The following SAMD12 variants were observed in gnomAD, a reference collection of about 807,000 sequenced individuals.
The protein encoded by SAMD12 is sterile alpha motif domain containing 12, also known as sterile alpha motif domain-containing protein 12.
In SAMD12, 9 loss-of-function variants were observed where a neutral mutation model predicts 15.0. That is an observed-to-expected ratio of 0.60 (90% CI 0.36 to 1.05). SAMD12 has a LOEUF of 1.05. Ranked by LOEUF, SAMD12 falls within the 50% of genes least tolerant of loss-of-function variation. The probability of loss-of-function intolerance (pLI) is 0.01; values close to 1 mark genes in which losing one functional copy is unlikely to be tolerated. For missense variants in SAMD12, 230 were observed against 234.2 expected, an observed-to-expected ratio of 0.98 and a Z score of 0.12; for synonymous variants, 86 against 90.1, an observed-to-expected ratio of 0.96 and a Z score of 0.25.
chr8:118,239,633 T>C (rs950466703), intron 4 of SAMD12, among the ~76,000 whole-genome samples: 3 of 152,190 alleles, frequency 2.0e-5, no homozygotes, highest in African/African-American at 7.2e-5. Context: ...GGATTTATTT[T>C]CTACCCAGGC....
At chr8:118,599,820 G>A (rs1827815292) in intron 1 of SAMD12, among the ~76,000 whole-genome samples, 9 of 152,288 alleles carry the variant, frequency 5.9e-5, no homozygotes, top group Admixed American at 5.2e-4. Context: ...GGAAAAACCT[G>A]AGGCAGGAAC....
chr8:118,191,799 TATATATATATATAGAG>T (rs1243824800), exon 5 of SAMD12: 8 of 42,148 alleles, frequency 1.9e-4, no homozygotes, highest in Non-Finnish European at 3.1e-4. Flanking sequence ...TATATATATA[TATATATATATATAGAG>T]AGAGAGAGAG....
At chr8:118,327,554 A>G (rs1351262219) in intron 4 of SAMD12, among the ~76,000 whole-genome samples, 1 of 152,194 alleles carries the variant, frequency 6.6e-6, no homozygotes, top group African/African-American at 2.4e-5. Flanking sequence ...GTCGAGGAAG[A>G]GGGGAAAGAT....
At chr8:118,147,323 C>A in the SAMD12 span, among the ~76,000 whole-genome samples, 2 of 151,512 alleles carry the variant, frequency 1.3e-5, no homozygotes, top group African/African-American at 4.9e-5. Context: ...CCACACCCAG[C>A]CAGCAGGAAC....
intron 4 of SAMD12, chr8:118,239,751 C>T (rs1371849828): frequency 6.6e-6 from 1 of 152,108 alleles, no homozygotes; most frequent in Admixed American, 6.6e-5. Flanking sequence ...AGCAAACACT[C>T]TTTTTTCATG....
At chr8:118,515,185 A>ATT (rs55864364) in intron 2 of SAMD12, among the ~76,000 whole-genome samples, 20,546 of 102,878 alleles carry the variant, frequency 0.2, 2,521 homozygotes, top group South Asian at 0.35. Context: ...CGCCCAGCTA[A>ATT]TTTTTTTTTT....
intron 4 of SAMD12, among the ~76,000 whole-genome samples, chr8:118,348,320 C>T (rs1378903807): frequency 1.3e-5 from 2 of 151,974 alleles, no homozygotes; most frequent in African/African-American, 2.4e-5. Flanking sequence ...CCACCTGCCT[C>T]GGCCTCCCAA....
chr8:118,230,644 A>G lies in SAMD12; in HGVS notation c.434-32912T>C, dbSNP rs182459842. ...TCAGAGGTTTCACCGAGAAAAATGCATTTATACTGAAAACTGAATGGCAAC... is the reference window on the plus strand; with the variant it reads ...TCAGAGGTTTCACCGAGAAAAATGCGTTTATACTGAAAACTGAATGGCAAC... On this transcript the variant is annotated intron_variant, in intron 4 of 4. Transcript: ENST00000409003. Among the ~76,000 whole-genome samples the G allele has an allele frequency of 1.1e-3, 167 of 152,218 alleles. 1 individual carries two copies. The highest frequency in any genetic ancestry group is 3.9e-3 in the African/African-American group (160 of 41,538).
chr8:118,282,242 G>A, intron 4 of SAMD12: 3 of 455,840 alleles, frequency 6.6e-6, no homozygotes, highest in Non-Finnish European at 1.3e-5. Flanking sequence ...ATATATCTAA[G>A]GTCAAACACC....
At chr8:118,618,214 A>G (rs1828293499) in intron 1 of SAMD12, among the ~76,000 whole-genome samples, 1 of 152,180 alleles carries the variant, frequency 6.6e-6, no homozygotes, top group African/African-American at 2.4e-5. Context: ...AGAAGAAAAC[A>G]TAACACAGGG....
intron 4 of SAMD12, among the ~76,000 whole-genome samples, chr8:118,345,002 G>T (rs533301766): frequency 2.0e-5 from 3 of 152,234 alleles, no homozygotes; most frequent in African/African-American, 7.2e-5. Flanking sequence ...GTTCAATAAT[G>T]TCTTAGGTCT....
intron 2 of SAMD12, among the ~76,000 whole-genome samples, chr8:118,513,808 A>C (rs1341585433): frequency 6.6e-6 from 1 of 152,174 alleles, no homozygotes; most frequent in Admixed American, 6.5e-5. Flanking sequence ...AAGCTTGACT[A>C]TCAACAGCAA....
intron 4 of SAMD12, among the ~76,000 whole-genome samples, chr8:118,267,393 G>A (rs1256316603): frequency 6.6e-6 from 1 of 152,048 alleles, no homozygotes; most frequent in Non-Finnish European, 1.5e-5. Flanking sequence ...AAGAGTGGAG[G>A]ATAAATAAAA....
chr8:118,556,590 A>G (rs776568647), intron 2 of SAMD12, among the ~76,000 whole-genome samples: 11 of 152,236 alleles, frequency 7.2e-5, no homozygotes, highest in South Asian at 4.1e-4. Flanking sequence ...TCAGAATCTA[A>G]TAAGTGTGAT....
At chr8:118,288,080 A>G (rs1016520530) in intron 4 of SAMD12, among the ~76,000 whole-genome samples, 6 of 152,216 alleles carry the variant, frequency 3.9e-5, no homozygotes, top group African/African-American at 1.4e-4. Flanking sequence ...TGAGCAGTAA[A>G]TTTTTATATC....
intron 3 of SAMD12, among the ~76,000 whole-genome samples, chr8:118,413,762 A>T (rs958033454): frequency 1.3e-5 from 2 of 152,168 alleles, no homozygotes; most frequent in Non-Finnish European, 2.9e-5. Flanking sequence ...TTCAGTAAAT[A>T]TAGGAAGAAG....
At chr8:118,383,955 A>G (rs985534625) in intron 3 of SAMD12, among the ~76,000 whole-genome samples, 1 of 152,116 alleles carries the variant, frequency 6.6e-6, no homozygotes, top group Non-Finnish European at 1.5e-5. Flanking sequence ...CTAGATCTAG[A>G]GACAGACATA....
chr8:118,408,987 C>T (rs980254255), intron 3 of SAMD12, among the ~76,000 whole-genome samples: 1 of 152,118 alleles, frequency 6.6e-6, no homozygotes, highest in Non-Finnish European at 1.5e-5. Flanking sequence ...CAACCTCCAC[C>T]TCCCGGGTTC....
At chr8:118,442,114 T>C (rs930337276) in intron 2 of SAMD12, among the ~76,000 whole-genome samples, 2 of 152,184 alleles carry the variant, frequency 1.3e-5, no homozygotes, top group African/African-American at 4.8e-5. Flanking sequence ...TCCATGAGCA[T>C]CATAAACAGT....
Sources: allele counts gnomAD v4.1 joint callset (sites outside exome capture counted in the v4.1 genomes callset), GRCh38; gene constraint gnomAD v4.1.1; transcripts MANE v1.5; gene names NCBI Gene and HGNC (gene_info 2026-07-23, HGNC 2026-07-21).